SLC25A33: variants seen among roughly 807,000 people sequenced by gnomAD.
SLC25A33 encodes solute carrier family 25 member 33, also known as bone marrow stromal cell mitochondrial carrier protein.
In SLC25A33, 15 loss-of-function variants were observed where a neutral mutation model predicts 35.5. The ratio of observed to expected loss-of-function variants is 0.42; its 90% CI spans 0.28 to 0.65. The LOEUF is 0.65. SLC25A33 is among the 30% of genes least tolerant of loss of function. SLC25A33 has a pLI of 0.20. For synonymous variants in SLC25A33, 136 were observed against 148.7 expected (o/e 0.91, Z 0.62); for missense variants, 257 against 398.5 (o/e 0.64, Z 3.02).
At chr1:9,562,413 G>A (rs1003714379) in intron 2 of SLC25A33, among the ~76,000 whole-genome samples, 2 of 151,980 alleles carry the variant, frequency 1.3e-5, no homozygotes, top group Admixed American at 6.6e-5. Flanking sequence ...CTACTCAGGA[G>A]GCTGAGGCAG....
intron 2 of SLC25A33, among the ~76,000 whole-genome samples, chr1:9,557,666 G>C (rs897131841): frequency 2.6e-5 from 4 of 152,242 alleles, no homozygotes; most frequent in Non-Finnish European, 5.9e-5. Flanking sequence ...TTGGGCAAGA[G>C]TGTGTTCAAG....
At chr1:9,544,208 G>A (rs1557522736) in intron 1 of SLC25A33, among the ~76,000 whole-genome samples, 2 of 151,500 alleles carry the variant, frequency 1.3e-5, no homozygotes, top group Non-Finnish European at 2.9e-5. Context: ...GGCAGCTGTT[G>A]CCAGGTATAC....
At chr1:9,569,890 G>A (rs1308957838) in intron 3 of SLC25A33, among the ~76,000 whole-genome samples, 4 of 151,802 alleles carry the variant, frequency 2.6e-5, no homozygotes, top group African/African-American at 9.7e-5. Flanking sequence ...GGCACAGGGT[G>A]AAAAAGTGTG....
intron 1 of SLC25A33, among the ~76,000 whole-genome samples, chr1:9,550,930 G>A (rs1028499490): frequency 5.3e-5 from 8 of 151,650 alleles, no homozygotes; most frequent in East Asian, 3.9e-4. Flanking sequence ...CACCCATCTC[G>A]GCCTCCTAAA....
At chr1:9,542,757 A>T (rs1416411316) in intron 1 of SLC25A33, among the ~76,000 whole-genome samples, 1 of 152,236 alleles carries the variant, frequency 6.6e-6, no homozygotes, top group African/African-American at 2.4e-5. Flanking sequence ...AACATCAAAC[A>T]AGTTTAATAC....
intron 2 of SLC25A33, among the ~76,000 whole-genome samples, chr1:9,557,581 T>C (rs1643362160): frequency 6.6e-6 from 1 of 151,978 alleles, no homozygotes; most frequent in Non-Finnish European, 1.5e-5. Flanking sequence ...GCACCTATAA[T>C]CCCAGCTACT....
Position 9,581,526 on chromosome 1 carries a change from C to G in SLC25A33, c.764-773C>G, listed in dbSNP as rs572106076. ...GGCACATCACCTGAGATTAGGAGTT[C>G]GAAACCAGGCTGGCCAACATGGCGA... On this transcript the variant is annotated intron_variant, in intron 6 of 6. Transcript: ENST00000302692. Among the ~76,000 whole-genome samples the G allele has an allele frequency of 8.6e-5, 13 of 152,022 alleles. No homozygotes were observed. In the South Asian group the frequency reaches 2.7e-3, roughly 32 times the overall value.
intron 2 of SLC25A33, among the ~76,000 whole-genome samples, chr1:9,564,739 A>AAAAATATATATATATATAT (rs60174872): frequency 5.2e-5 from 5 of 96,540 alleles, no homozygotes; most frequent in African/African-American, 1.8e-4. Context: ...AAAAAAAAAA[A>AAAAATATATATATATATAT]ATATATATAT....
At chr1:9,550,644 C>A (rs965592914) in intron 1 of SLC25A33, among the ~76,000 whole-genome samples, 1 of 151,798 alleles carries the variant, frequency 6.6e-6, no homozygotes, top group African/African-American at 2.4e-5. Flanking sequence ...AAAGTTTTTA[C>A]GTCTATCATT....
intron 1 of SLC25A33, among the ~76,000 whole-genome samples, chr1:9,545,469 C>G (rs953257611): frequency 6.6e-6 from 1 of 152,062 alleles, no homozygotes; most frequent in Non-Finnish European, 1.5e-5. Context: ...GAGATCTTGG[C>G]TCACTGCAAC....
chr1:9,559,963 C>G (rs1311041672), intron 2 of SLC25A33, among the ~76,000 whole-genome samples: 1 of 152,086 alleles, frequency 6.6e-6, no homozygotes. Flanking sequence ...ATTCAAAAAC[C>G]ATACAAGGCT....
chr1:9,574,844 G>A (rs1643638422), intron 5 of SLC25A33, among the ~76,000 whole-genome samples: 1 of 152,230 alleles, frequency 6.6e-6, no homozygotes, highest in Non-Finnish European at 1.5e-5. Flanking sequence ...TTCAACTATT[G>A]GATTTCGGTT....
At chr1:9,565,975 C>T (rs920272542) in intron 2 of SLC25A33, among the ~76,000 whole-genome samples, 1 of 152,086 alleles carries the variant, frequency 6.6e-6, no homozygotes, top group African/African-American at 2.4e-5. Context: ...AAATAACCGT[C>T]ATCCGTCCAT....
intron 1 of SLC25A33, among the ~76,000 whole-genome samples, chr1:9,548,990 A>G (rs1242187676): frequency 6.6e-6 from 1 of 152,006 alleles, no homozygotes; most frequent in Non-Finnish European, 1.5e-5. Flanking sequence ...ATTGTCCCCA[A>G]CTCTGTCCCC....
chr1:9,579,881 C>T (rs1299370512), intron 5 of SLC25A33, 73 bp from the exon 6 acceptor site: 3 of 1,506,700 alleles, frequency 2.0e-6, no homozygotes, highest in Non-Finnish European at 2.7e-6. Context: ...CGTACCTGTT[C>T]TCCTACTGTG....
At chr1:9,544,086 CAG>C (rs763903459) in intron 1 of SLC25A33, among the ~76,000 whole-genome samples, 15 of 151,388 alleles carry the variant, frequency 9.9e-5, no homozygotes, top group Non-Finnish European at 1.5e-4. Context: ...GCCTGGGAGA[CAG>C]AGAGAGAGAG....
At chr1:9,544,581 C>T (rs1340749446) in intron 1 of SLC25A33, among the ~76,000 whole-genome samples, 1 of 151,972 alleles carries the variant, frequency 6.6e-6, no homozygotes, top group Non-Finnish European at 1.5e-5. Context: ...TGCCAGGTTT[C>T]AAGTAAAACT....
intron 6 of SLC25A33, among the ~76,000 whole-genome samples, chr1:9,581,583 G>T (rs1643745225): frequency 6.6e-6 from 1 of 152,048 alleles, no homozygotes; most frequent in African/African-American, 2.4e-5. Flanking sequence ...ACAAAAATTA[G>T]CTGGGTGTGG....
At chr1:9,545,469 C>T (rs953257611) in intron 1 of SLC25A33, among the ~76,000 whole-genome samples, 1 of 152,062 alleles carries the variant, frequency 6.6e-6, no homozygotes, top group African/African-American at 2.4e-5. Flanking sequence ...GAGATCTTGG[C>T]TCACTGCAAC....
Sources: gnomAD v4.1 joint callset for allele counts (sites outside exome capture counted in the v4.1 genomes callset) on GRCh38, gnomAD v4.1.1 for gene constraint, MANE v1.5 for transcripts, NCBI Gene and HGNC (gene_info 2026-07-23, HGNC 2026-07-21) for gene names.